The following INIP variants were observed in gnomAD, a reference collection of about 807,000 sequenced individuals.
The protein encoded by INIP is INTS3 and NABP interacting protein, also known as SOSS complex subunit C.
A neutral mutation model predicts 14.0 loss-of-function variants in INIP; 9 were observed. The ratio of observed to expected loss-of-function variants is 0.64; its 90% CI spans 0.39 to 1.12. The LOEUF is 1.12. Ranked by LOEUF, INIP falls within the 50% of genes most tolerant of loss-of-function variation. The probability of loss-of-function intolerance (pLI) is 0.01; values close to 1 mark genes in which losing one functional copy is unlikely to be tolerated. For missense variants in INIP, 78 were observed against 122.7 expected (o/e 0.64, Z 1.72); for synonymous variants, 37 against 41.5 (o/e 0.89, Z 0.41).
chr9:112,717,015 T>C (rs180851812), intron 1 of INIP, among the ~76,000 whole-genome samples: 1 of 151,878 alleles, frequency 6.6e-6, no homozygotes, highest in Admixed American at 6.6e-5. Context: ...GTACACAGAC[T>C]GAAACAAATG....
intron 4 of INIP, among the ~76,000 whole-genome samples, chr9:112,688,330 G>A (rs571786299): frequency 3.9e-5 from 6 of 152,152 alleles, no homozygotes; most frequent in African/African-American, 1.2e-4. Flanking sequence ...AAAGTACTCT[G>A]ATCTTGGTCA....
chr9:112,702,581 T>C (rs1338048219), intron 2 of INIP, among the ~76,000 whole-genome samples: 3 of 152,202 alleles, frequency 2.0e-5, no homozygotes, highest in South Asian at 4.1e-4. Context: ...TATTTATTTT[T>C]TTTAGACGGA....
At chr9:112,699,274 G>A (rs1480727106) in intron 2 of INIP, among the ~76,000 whole-genome samples, 2 of 151,896 alleles carry the variant, frequency 1.3e-5, no homozygotes, top group Admixed American at 1.3e-4. Context: ...ATGGGCCACT[G>A]CACTCTGGCC....
intron 2 of INIP, among the ~76,000 whole-genome samples, chr9:112,696,277 G>T (rs1488565368): frequency 6.6e-6 from 1 of 151,870 alleles, no homozygotes; most frequent in Admixed American, 6.6e-5. Flanking sequence ...CCTTTTTCCT[G>T]CCTGATCTCT....
At chr9:112,711,552 T>G (rs760635372) in intron 2 of INIP, among the ~76,000 whole-genome samples, 4 of 152,246 alleles carry the variant, frequency 2.6e-5, no homozygotes, top group Admixed American at 6.5e-5. Flanking sequence ...TTGTGTGGTT[T>G]TTAGCAGCAT....
At chr9:112,697,653 AAG>A (rs941764346) in intron 2 of INIP, among the ~76,000 whole-genome samples, 2 of 151,602 alleles carry the variant, frequency 1.3e-5, no homozygotes, top group Non-Finnish European at 3.0e-5. Flanking sequence ...AGGAAATTAT[AAG>A]AGTTTTAGGA....
intron 2 of INIP, among the ~76,000 whole-genome samples, chr9:112,704,677 C>T (rs10981484): frequency 0.019 from 2,840 of 152,206 alleles, 98 homozygotes; most frequent in East Asian, 0.14. Flanking sequence ...TCTGAACTCT[C>T]AGTAATTTGA....
intron 2 of INIP, among the ~76,000 whole-genome samples, chr9:112,701,025 G>T (rs566309548): frequency 5.9e-5 from 9 of 152,212 alleles, no homozygotes; most frequent in Non-Finnish European, 7.4e-5. Flanking sequence ...TATTAATATG[G>T]TTATAAAAGC....
intron 2 of INIP, among the ~76,000 whole-genome samples, chr9:112,702,729 T>C (rs998336518): frequency 6.6e-6 from 1 of 152,194 alleles, no homozygotes; most frequent in Admixed American, 6.5e-5. Context: ...CACACCTGGC[T>C]AATTTTTGTA....
rs1018057383 is a variant in INIP, at chr9:112,686,490, A to G, written c.*1048T>C. On this transcript the variant is annotated 3_prime_UTR_variant, in exon 5 of 5. Coordinates refer to ENST00000374242, the MANE Select transcript of INIP (RefSeq NM_021218.3). ...TTAATTAAAAAGGAGCTCGACTTGC[A>G]TAAGTTTTCTTTTTCTTTTTTTCTT... The G allele has an allele frequency of 6.6e-6, 1 of 152,098 alleles. No individual in the cohort carries two copies. The highest frequency in any genetic ancestry group is 1.5e-5 in the Non-Finnish European group (1 of 67,996). 9.4% of individuals were successfully genotyped at this position (152,098 alleles called of 1,614,324 possible). A position where few individuals can be genotyped will look rare whatever the true frequency, so the allele number is the denominator to read the frequency against.
intron 2 of INIP, among the ~76,000 whole-genome samples, chr9:112,713,380 G>A (rs77650061): frequency 0.013 from 2,048 of 152,220 alleles, 30 homozygotes; most frequent in Non-Finnish European, 0.014. Context: ...CTTCAGAAGC[G>A]CATATACTAA....
Position 112,716,509 on chromosome 9 carries a change from TC to T in INIP, c.-25del. The stretch of plus-strand genomic sequence containing the variant: ...ATTTTCCTATTTTGTTTCAAGTATG[TC>T]CAGTGGCAATTGGTCAGCACTTCAC... On this transcript the variant is annotated 5_prime_UTR_variant, in exon 2 of 5. Coordinates refer to ENST00000374242, the MANE Select transcript of INIP (RefSeq NM_021218.3). The T allele has an allele frequency of 6.2e-7, 1 of 1,612,250 alleles. No homozygotes were observed. The highest frequency in any genetic ancestry group is 8.5e-7 in the Non-Finnish European group (1 of 1,178,370).
At chr9:112,702,589 G>A (rs1014455446) in intron 2 of INIP, among the ~76,000 whole-genome samples, 5 of 151,740 alleles carry the variant, frequency 3.3e-5, no homozygotes, top group East Asian at 1.9e-4. Flanking sequence ...TTTTTTAGAC[G>A]GAGTCTCGCT....
intron 2 of INIP, among the ~76,000 whole-genome samples, chr9:112,712,947 A>C (rs1192708182): frequency 6.6e-6 from 1 of 152,218 alleles, no homozygotes; most frequent in Non-Finnish European, 1.5e-5. Flanking sequence ...ACAAAGAGAT[A>C]ATCCTAAAAG....
chr9:112,713,857 G>A (rs529965899), intron 2 of INIP, among the ~76,000 whole-genome samples: 44 of 152,130 alleles, frequency 2.9e-4, no homozygotes, highest in Non-Finnish European at 5.0e-4. Flanking sequence ...AGTGGCACGC[G>A]CCTGTAATCC....
chr9:112,685,039 C>G lies in INIP; in HGVS notation c.*2499G>C, dbSNP rs1837606638. On this transcript the variant is annotated 3_prime_UTR_variant, in exon 5 of 5. Coordinates refer to ENST00000374242, the MANE Select transcript of INIP (RefSeq NM_021218.3). ...ATGAATACTTCTAAGCCTAGCCAGA[C>G]CGCACTGCGTTCCAGGATGCCTCTC... 1.3e-5 allele frequency: 2 copies of G among 152,172 alleles called. No individual in the cohort carries two copies. Among genetic ancestry groups the G allele is most frequent in the African/African-American group, 4.8e-5 (2 of 41,416 alleles). The allele number at this position is 152,172 out of a possible 1,614,324, so 9.4% of individuals were successfully genotyped here.
chr9:112,687,889 T>G (rs192863528), intron 4 of INIP, among the ~76,000 whole-genome samples: 5 of 151,938 alleles, frequency 3.3e-5, no homozygotes, highest in East Asian at 1.9e-4. Flanking sequence ...ATCGAGACCA[T>G]CCTGGCTAAC....
intron 1 of INIP, among the ~76,000 whole-genome samples, 174 bp from the exon 2 acceptor site, chr9:112,716,715 G>T (rs890713040): frequency 1.4e-4 from 21 of 152,072 alleles, no homozygotes; most frequent in Non-Finnish European, 2.8e-4. Context: ...GGGAGGCCGA[G>T]GCGGGCGGAT....
At chr9:112,717,557 C>T (rs757516406) in intron 1 of INIP, among the ~76,000 whole-genome samples, 4 of 152,088 alleles carry the variant, frequency 2.6e-5, no homozygotes, top group East Asian at 1.9e-4. Flanking sequence ...CAAACCCGCT[C>T]TTTAAAAGGT....
Sources: allele counts gnomAD v4.1 joint callset (sites outside exome capture counted in the v4.1 genomes callset), GRCh38; gene constraint gnomAD v4.1.1; transcripts MANE v1.5; gene names NCBI Gene and HGNC (gene_info 2026-07-23, HGNC 2026-07-21).